Variants in GPC6 observed in about 807,000 individuals in gnomAD.
GPC6 encodes the protein glypican-6.
A neutral mutation model predicts 55.2 loss-of-function variants in GPC6; 14 were observed. The observed-to-expected ratio is 0.25, with a 90% CI of 0.17 to 0.40. The LOEUF is 0.40. Ranked by LOEUF, GPC6 falls within the 10% of genes least tolerant of loss-of-function variation. The pLI, the probability that GPC6 is intolerant of heterozygous loss-of-function variation, is 1.00. For missense variants in GPC6, 641 were observed against 708.5 expected (o/e 0.90, Z 1.08); for synonymous variants, 278 against 259.6 (o/e 1.07, Z -0.68).
chr13:93,291,104 G>C (rs572388885), intron 1 of GPC6, among the ~76,000 whole-genome samples: 1 of 152,244 alleles, frequency 6.6e-6, no homozygotes, highest in African/African-American at 2.4e-5. Context: ...TATGAATGCT[G>C]ACATAGTATG....
At chr13:93,280,800 A>G (rs1238028239) in intron 1 of GPC6, among the ~76,000 whole-genome samples, 2 of 152,208 alleles carry the variant, frequency 1.3e-5, no homozygotes, top group African/African-American at 2.4e-5. Context: ...TAGTTTCAGG[A>G]TTAAAGTGTT....
At chr13:93,496,143 T>G (rs1490317258) in intron 1 of GPC6, among the ~76,000 whole-genome samples, 3 of 152,152 alleles carry the variant, frequency 2.0e-5, no homozygotes, top group Non-Finnish European at 4.4e-5. Context: ...CCTTGCAGTT[T>G]GATCTCAGAC....
intron 6 of GPC6, among the ~76,000 whole-genome samples, chr13:94,316,763 A>G (rs974789467): frequency 6.6e-6 from 1 of 151,848 alleles, no homozygotes; most frequent in Non-Finnish European, 1.5e-5. Context: ...TACTACTGGC[A>G]TGTAGATGTC....
intron 2 of GPC6, among the ~76,000 whole-genome samples, chr13:93,561,062 C>G (rs560249200): frequency 6.6e-6 from 1 of 152,034 alleles, no homozygotes; most frequent in Non-Finnish European, 1.5e-5. Flanking sequence ...AAGCAAGCAC[C>G]GGTAATCTTT....
At chr13:93,572,585 T>A (rs1218134485) in intron 2 of GPC6, among the ~76,000 whole-genome samples, 2 of 152,180 alleles carry the variant, frequency 1.3e-5, no homozygotes, top group Non-Finnish European at 2.9e-5. Flanking sequence ...TGCTATAGAA[T>A]TCTTAAGCTT....
intron 2 of GPC6, among the ~76,000 whole-genome samples, chr13:93,721,079 C>T (rs182808940): frequency 6.4e-4 from 97 of 151,968 alleles, no homozygotes; most frequent in Admixed American, 2.2e-3. Context: ...CTATTAGGTC[C>T]GCTAGGTCCA....
At chr13:93,485,875 C>A (rs1879689878) in intron 1 of GPC6, among the ~76,000 whole-genome samples, 1 of 152,042 alleles carries the variant, frequency 6.6e-6, no homozygotes, top group Non-Finnish European at 1.5e-5. Flanking sequence ...GGGAAGAGAT[C>A]TGGAATGGAA....
At chr13:93,699,285 A>G (rs963142844) in intron 2 of GPC6, among the ~76,000 whole-genome samples, 5 of 152,134 alleles carry the variant, frequency 3.3e-5, no homozygotes, top group African/African-American at 1.2e-4. Flanking sequence ...GGAAGCAAAA[A>G]TATACAAAGG....
intron 2 of GPC6, among the ~76,000 whole-genome samples, chr13:93,721,682 G>A (rs1227097005): frequency 2.0e-5 from 3 of 151,738 alleles, no homozygotes; most frequent in African/African-American, 7.2e-5. Flanking sequence ...ATTATTAAAT[G>A]TGGTTTTGAT....
chr13:93,874,988 C>T (rs1889247275), intron 3 of GPC6, among the ~76,000 whole-genome samples: 1 of 152,004 alleles, frequency 6.6e-6, no homozygotes, highest in South Asian at 2.1e-4. Context: ...TATGTTGCCA[C>T]TGCATCTCTT....
intron 4 of GPC6, among the ~76,000 whole-genome samples, chr13:94,170,761 T>G (rs1375376917): frequency 1.3e-5 from 2 of 152,200 alleles, no homozygotes; most frequent in East Asian, 1.9e-4. Flanking sequence ...TTCAGTAAAT[T>G]GAATTTGCTT....
At chr13:94,261,688 G>A (rs1891661896) in intron 4 of GPC6, among the ~76,000 whole-genome samples, 1 of 152,176 alleles carries the variant, frequency 6.6e-6, no homozygotes, top group Non-Finnish European at 1.5e-5. Context: ...ACCAGAGATG[G>A]GCAGGAGGAG....
intron 3 of GPC6, among the ~76,000 whole-genome samples, chr13:93,876,262 G>A (rs759716939): frequency 6.6e-6 from 1 of 151,698 alleles, no homozygotes; most frequent in African/African-American, 2.4e-5. Context: ...TTCTAGGGAA[G>A]CCATGATTTT....
chr13:94,403,994 G>A lies in GPC6; in HGVS notation c.*777G>A, dbSNP rs1040423527. The A allele has an allele frequency of 6.6e-6, 1 of 152,116 alleles. No individual in the cohort carries two copies. The highest frequency in any genetic ancestry group is 2.4e-5 in the African/African-American group (1 of 41,374). 9.4% of individuals were successfully genotyped at this position (152,116 alleles called of 1,614,324 possible). Reference sequence around the variant, plus strand: ...TAATGTCTGTCCGCTGTATCCAATTGGCACAGATTTTCCCCTTCATCTTCA... The same window carrying A: ...TAATGTCTGTCCGCTGTATCCAATTAGCACAGATTTTCCCCTTCATCTTCA... On this transcript the variant is annotated 3_prime_UTR_variant, in exon 9 of 9. Coordinates refer to ENST00000377047, the MANE Select transcript of GPC6 (RefSeq NM_005708.5).
chr13:94,379,422 G>A (rs1880058070), intron 6 of GPC6, among the ~76,000 whole-genome samples: 1 of 152,188 alleles, frequency 6.6e-6, no homozygotes, highest in African/African-American at 2.4e-5. Flanking sequence ...TGAAATGCCA[G>A]AGGGAACACA....
chr13:93,445,802 G>T (rs770315307), intron 1 of GPC6, among the ~76,000 whole-genome samples: 1 of 152,096 alleles, frequency 6.6e-6, no homozygotes, highest in South Asian at 2.1e-4. Flanking sequence ...TCAAAGACAG[G>T]CTACAAATAT....
intron 3 of GPC6, among the ~76,000 whole-genome samples, chr13:93,878,539 T>C (rs1287309442): frequency 6.6e-6 from 1 of 151,994 alleles, no homozygotes; most frequent in Non-Finnish European, 1.5e-5. Context: ...TCACCACACC[T>C]GGCTAATTTT....
chr13:93,281,827 C>A (rs998777799), intron 1 of GPC6, among the ~76,000 whole-genome samples: 1 of 148,216 alleles, frequency 6.7e-6, no homozygotes, highest in African/African-American at 2.6e-5. Flanking sequence ...AAAAACAAAA[C>A]AAAAAAGAAA....
At chr13:94,025,988 G>C (rs935157023) in intron 3 of GPC6, among the ~76,000 whole-genome samples, 9 of 152,200 alleles carry the variant, frequency 5.9e-5, no homozygotes, top group Admixed American at 4.6e-4. Flanking sequence ...AGGATGGGTA[G>C]AAGGATGGAC....
Sources: gnomAD v4.1 joint callset for allele counts (sites outside exome capture counted in the v4.1 genomes callset) on GRCh38, gnomAD v4.1.1 for gene constraint, MANE v1.5 for transcripts, NCBI Gene and HGNC (gene_info 2026-07-23, HGNC 2026-07-21) for gene names.